The following PGCKA1 variants were observed in gnomAD, a reference collection of about 807,000 sequenced individuals.
PGCKA1 encodes PDCD10 and GCKIII kinases associated 1.
At chr4:37,465,234 CTTTT>C in the PGCKA1 span, among the ~76,000 whole-genome samples, 1 of 147,044 alleles carries the variant, frequency 6.8e-6, no homozygotes, top group African/African-American at 2.5e-5. Context: ...CCACAAAAAG[CTTTT>C]TTTTTTTCTA....
chr4:37,520,477 A>T, the PGCKA1 span, among the ~76,000 whole-genome samples: 3 of 151,096 alleles, frequency 2.0e-5, no homozygotes, highest in African/African-American at 7.3e-5. Context: ...TTCATGGTTC[A>T]CTCTTGGTAG....
chr4:37,474,618 AG>A, the PGCKA1 span, among the ~76,000 whole-genome samples: 1 of 152,212 alleles, frequency 6.6e-6, no homozygotes, highest in South Asian at 2.1e-4. Context: ...CTTTGTCAAA[AG>A]GGTAGGAATA....
chr4:37,580,738 C>T, the PGCKA1 span, among the ~76,000 whole-genome samples: 1 of 152,156 alleles, frequency 6.6e-6, no homozygotes, highest in East Asian at 1.9e-4. Flanking sequence ...TTACCCAGGG[C>T]CCTCTGTAAC....
the PGCKA1 span, among the ~76,000 whole-genome samples, chr4:37,578,707 T>C: frequency 6.6e-6 from 1 of 152,198 alleles, no homozygotes; most frequent in East Asian, 1.9e-4. Flanking sequence ...AATACTTTTC[T>C]GTATTCATTG....
the PGCKA1 span, among the ~76,000 whole-genome samples, chr4:37,513,409 T>A: frequency 2.2e-4 from 34 of 152,354 alleles, no homozygotes; most frequent in Admixed American, 1.5e-3. Flanking sequence ...TGACATTGTT[T>A]AGTTTCTAGT....
chr4:37,572,520 C>T, the PGCKA1 span, among the ~76,000 whole-genome samples: 3 of 151,994 alleles, frequency 2.0e-5, no homozygotes, highest in South Asian at 6.4e-4. Context: ...TTTATATACA[C>T]ACAATTTTTT....
chr4:37,517,559 G>A, the PGCKA1 span, among the ~76,000 whole-genome samples: 30 of 152,184 alleles, frequency 2.0e-4, no homozygotes, highest in African/African-American at 6.3e-4. Context: ...TGCCTAATGG[G>A]TTGAATCAAT....
chr4:37,541,407 T>G, the PGCKA1 span, among the ~76,000 whole-genome samples: 1 of 152,204 alleles, frequency 6.6e-6, no homozygotes, highest in Non-Finnish European at 1.5e-5. Context: ...ACAAAAAGTC[T>G]TCCTATTAGA....
chr4:37,465,313 G>A, the PGCKA1 span, among the ~76,000 whole-genome samples: 6 of 151,828 alleles, frequency 4.0e-5, no homozygotes, highest in South Asian at 6.3e-4. Context: ...GTCAAGCACC[G>A]TGCCAGGTGG....
the PGCKA1 span, among the ~76,000 whole-genome samples, chr4:37,582,806 G>A: frequency 6.6e-6 from 1 of 151,784 alleles, no homozygotes; most frequent in African/African-American, 2.4e-5. Context: ...ATAATATTTT[G>A]TCCTTAATCA....
chr4:37,479,411 C>A, the PGCKA1 span, among the ~76,000 whole-genome samples: 1 of 151,912 alleles, frequency 6.6e-6, no homozygotes, highest in African/African-American at 2.4e-5. Context: ...TTCAGATAGG[C>A]CCTCCCCAAA....
the PGCKA1 span, among the ~76,000 whole-genome samples, chr4:37,589,375 T>C: frequency 6.6e-6 from 1 of 152,228 alleles, no homozygotes; most frequent in Admixed American, 6.5e-5. Context: ...TGTATTCCAC[T>C]GTAATCATAC....
At chr4:37,516,288 G>A in the PGCKA1 span, among the ~76,000 whole-genome samples, 3 of 152,198 alleles carry the variant, frequency 2.0e-5, no homozygotes, top group Non-Finnish European at 4.4e-5. Context: ...GTCAGAATCT[G>A]CATTTTAACA....
At chr4:37,517,312 T>C in the PGCKA1 span, among the ~76,000 whole-genome samples, 2 of 146,178 alleles carry the variant, frequency 1.4e-5, no homozygotes, top group Non-Finnish European at 1.5e-5. Context: ...TATATAAATA[T>C]ATATATAGAG....
the PGCKA1 span, among the ~76,000 whole-genome samples, chr4:37,509,673 A>G: frequency 2.0e-5 from 3 of 151,188 alleles, no homozygotes; most frequent in Non-Finnish European, 4.4e-5. Context: ...CCTGGGCAAC[A>G]TTGAGCACTG....
the PGCKA1 span, among the ~76,000 whole-genome samples, chr4:37,467,013 G>A: frequency 4.6e-5 from 7 of 152,082 alleles, no homozygotes; most frequent in East Asian, 9.7e-4. Context: ...CAGGAGAATC[G>A]CTTCAACCCG....
chr4:37,572,370 C>T, the PGCKA1 span, among the ~76,000 whole-genome samples: 6 of 152,138 alleles, frequency 3.9e-5, no homozygotes. Context: ...CCGGCCACAC[C>T]TTTTTAGAAC....
At chr4:37,547,675 A>C in the PGCKA1 span, among the ~76,000 whole-genome samples, 9 of 152,116 alleles carry the variant, frequency 5.9e-5, no homozygotes, top group Non-Finnish European at 1.2e-4. Context: ...CACATAGACA[A>C]TTACACCTGG....
the PGCKA1 span, among the ~76,000 whole-genome samples, chr4:37,474,501 G>T: frequency 2.6e-5 from 4 of 152,104 alleles, no homozygotes; most frequent in East Asian, 5.8e-4. Flanking sequence ...CAAAAACTCA[G>T]TTGATAAATA....
Sources: allele counts gnomAD v4.1 joint callset (sites outside exome capture counted in the v4.1 genomes callset), GRCh38; gene constraint gnomAD v4.1.1; transcripts MANE v1.5; gene names NCBI Gene and HGNC (gene_info 2026-07-23, HGNC 2026-07-21).